CLIC5: variants seen among roughly 807,000 people sequenced by gnomAD.
CLIC5 encodes CLIC family member 5.
CLIC5 carries 20 observed loss-of-function variants against 24.7 expected under a neutral mutation model. That is an observed-to-expected ratio of 0.81 (90% CI 0.57 to 1.18). CLIC5 has a LOEUF of 1.18. Ranked by LOEUF, CLIC5 falls within the 50% of genes most tolerant of loss-of-function variation. The pLI, the probability that CLIC5 is intolerant of heterozygous loss-of-function variation, is 0.00. For missense variants in CLIC5, 341 were observed against 326.1 expected (o/e 1.05, Z -0.35); for synonymous variants, 159 against 135.6 (o/e 1.17, Z -1.20).
chr6:45,941,658 A>G lies in CLIC5; in HGVS notation c.300-5T>C. On this transcript the variant is annotated splice_polypyrimidine_tract_variant and splice_region_variant and intron_variant, in intron 3 of 5. Coordinates refer to ENST00000339561, the MANE Select transcript of CLIC5 (RefSeq NM_016929.5). ...TTTGCAGCCAGTTTGGGGTACCTGG[A>G]ATGGAGGATGCAGTGTTCTGTGAAT... 1.9e-6 allele frequency: 3 copies of G among 1,608,254 alleles called. No homozygotes were observed. The highest frequency in any genetic ancestry group is 2.6e-6 in the Non-Finnish European group (3 of 1,174,708).
chr6:46,087,577 T>A, the CLIC5 span, among the ~76,000 whole-genome samples: 1 of 152,094 alleles, frequency 6.6e-6, no homozygotes, highest in African/African-American at 2.4e-5. Context: ...CCTTCCTTAT[T>A]CACGGTGGGT....
chr6:45,889,837 G>A (rs1201941926), intron 6 of CLIC5, among the ~76,000 whole-genome samples: 2 of 152,284 alleles, frequency 1.3e-5, no homozygotes, highest in East Asian at 3.9e-4. Context: ...ACATCTGCAA[G>A]GATGTTTGCT....
intron 1 of CLIC5, among the ~76,000 whole-genome samples, chr6:45,975,683 T>C (rs1234046029): frequency 6.6e-6 from 1 of 152,124 alleles, no homozygotes; most frequent in African/African-American, 2.4e-5. Context: ...GTATATCAGA[T>C]TACAAAGAAC....
the CLIC5 span, among the ~76,000 whole-genome samples, chr6:46,127,726 T>C: frequency 6.6e-6 from 1 of 152,202 alleles, no homozygotes; most frequent in Non-Finnish European, 1.5e-5. Flanking sequence ...CAGTTTAAGA[T>C]GTGGACTGCA....
chr6:46,111,706 A>G, the CLIC5 span, among the ~76,000 whole-genome samples: 834 of 152,282 alleles, frequency 5.5e-3, 8 homozygotes, highest in African/African-American at 0.019. Flanking sequence ...TAAAGTTTCA[A>G]AGTAAGGTGA....
the CLIC5 span, among the ~76,000 whole-genome samples, chr6:46,107,594 A>T: frequency 8.5e-5 from 13 of 152,268 alleles, no homozygotes; most frequent in Admixed American, 4.6e-4. Flanking sequence ...TACAAAGTAC[A>T]TAAGAAAAGT....
intron 3 of CLIC5, among the ~76,000 whole-genome samples, chr6:45,943,905 T>C (rs1050624510): frequency 6.6e-6 from 1 of 152,224 alleles, no homozygotes; most frequent in Non-Finnish European, 1.5e-5. Flanking sequence ...AAGATGTTAA[T>C]CTCGCAACTT....
the CLIC5 span, among the ~76,000 whole-genome samples, chr6:46,105,252 T>C: frequency 6.6e-6 from 1 of 152,166 alleles, no homozygotes; most frequent in African/African-American, 2.4e-5. Context: ...TTTGTTTTTT[T>C]TAAAGTTAAA....
At chr6:46,017,761 C>T (rs574219651), upstream of CLIC5, among the ~76,000 whole-genome samples, 3 of 152,312 alleles carry the variant, frequency 2.0e-5, no homozygotes, top group Non-Finnish European at 2.9e-5. Context: ...GAGGAAAAGG[C>T]TTCATGGAGC....
the CLIC5 span, among the ~76,000 whole-genome samples, chr6:46,088,161 C>CTCTG: frequency 6.8e-6 from 1 of 146,340 alleles, no homozygotes; most frequent in Non-Finnish European, 1.5e-5. Flanking sequence ...CGCTCTCTTT[C>CTCTG]TGTGTGTGTG....
At chr6:46,119,188 T>C in the CLIC5 span, among the ~76,000 whole-genome samples, 18 of 152,342 alleles carry the variant, frequency 1.2e-4, no homozygotes, top group Admixed American at 4.6e-4. Flanking sequence ...GCCACTAAGT[T>C]TGTGGTAGAG....
At chr6:46,124,350 C>T in the CLIC5 span, among the ~76,000 whole-genome samples, 19 of 152,258 alleles carry the variant, frequency 1.2e-4, no homozygotes, top group South Asian at 2.1e-4. Context: ...CCCTATTTAA[C>T]AAATGGTGCT....
rs1170283954 is a variant in CLIC5, at chr6:45,903,180, AG to A, written c.663del (p.Tyr222MetfsTer95). ...MTGLWRYLKNAYARDEFTNTC... is the reference protein window; with the variant it reads ...MTGLWRYLKNXYARDEFTNTC... ...GTGTTGGTGAACTCATCACGGGCATAGGCGTTCTTGAGGTACCGCCACAGGC... is the reference window on the plus strand; with the variant it reads ...GTGTTGGTGAACTCATCACGGGCATAGCGTTCTTGAGGTACCGCCACAGGC... On this transcript the variant is annotated frameshift_variant, in exon 6 of 6. Transcript: ENST00000339561. LOFTEE classifies it high-confidence loss of function. The A allele has an allele frequency of 6.8e-6, 11 of 1,613,970 alleles. No homozygotes were observed. Among genetic ancestry groups the A allele is most frequent in the Non-Finnish European group, 9.3e-6 (11 of 1,179,928 alleles).
intron 4 of CLIC5, among the ~76,000 whole-genome samples, chr6:45,933,053 T>C (rs529892470): frequency 7.2e-5 from 11 of 152,192 alleles, no homozygotes; most frequent in Non-Finnish European, 1.3e-4. Context: ...TTCCATTCTA[T>C]GTGGCAGGGA....
the CLIC5 span, among the ~76,000 whole-genome samples, chr6:46,093,009 C>A: frequency 4.6e-5 from 7 of 152,260 alleles, no homozygotes; most frequent in East Asian, 1.4e-3. Context: ...CTCCCCAATC[C>A]AATTCCTGCC....
chr6:45,945,396 C>T (rs757313455), intron 3 of CLIC5, among the ~76,000 whole-genome samples: 2 of 152,124 alleles, frequency 1.3e-5, no homozygotes, highest in Non-Finnish European at 2.9e-5. Flanking sequence ...GTTGGGATCA[C>T]GTGTGGATTC....
chr6:45,949,669 C>G (rs1210925002), intron 2 of CLIC5, among the ~76,000 whole-genome samples: 1 of 152,138 alleles, frequency 6.6e-6, no homozygotes, highest in Non-Finnish European at 1.5e-5. Flanking sequence ...AGGTGACTAT[C>G]TAAGTCAGAT....
chr6:45,914,355 G>C lies in CLIC5; in HGVS notation c.461C>G (p.Thr154Ser). The C allele has an allele frequency of 6.2e-7, 1 of 1,605,778 alleles. No individual in the cohort carries two copies. Among genetic ancestry groups the C allele is most frequent in the Non-Finnish European group, 8.5e-7 (1 of 1,173,814 alleles). Residue 154 changes from threonine to serine, a missense_variant, in exon 5 of 6, where the codon ACC becomes AGC. By Grantham distance (58) the Thr-to-Ser change is moderately conservative (BLOSUM62 1). Coordinates refer to ENST00000339561, the MANE Select transcript of CLIC5 (RefSeq NM_016929.5). ...ALKKLDDYLN[T>S]PLPEEIDANT... ...GGCGTCAATCTCCTCTGGTAGAGGG[G>C]TGTTCAGGTAGTCATCCAATTTCTT...
intron 1 of CLIC5, among the ~76,000 whole-genome samples, chr6:45,990,411 G>A (rs1765893458): frequency 6.6e-6 from 1 of 152,084 alleles, no homozygotes; most frequent in African/African-American, 2.4e-5. Context: ...TTTACTCTTT[G>A]TTTCCTTTTT....
Sources: gnomAD v4.1 joint callset for allele counts (sites outside exome capture counted in the v4.1 genomes callset) on GRCh38, gnomAD v4.1.1 for gene constraint, MANE v1.5 for transcripts, NCBI Gene and HGNC (gene_info 2026-07-23, HGNC 2026-07-21) for gene names.